The following TMEM132D variants were observed in gnomAD, a reference collection of about 807,000 sequenced individuals.
The protein encoded by TMEM132D is transmembrane protein 132D.
Under a neutral mutation model 62.3 loss-of-function variants are expected in TMEM132D, and 21 were observed. That is an observed-to-expected ratio of 0.34 (90% CI 0.24 to 0.49). TMEM132D has a LOEUF of 0.49. TMEM132D is among the 20% of genes least tolerant of loss of function. The probability of loss-of-function intolerance (pLI) is 0.99; values close to 1 mark genes in which losing one functional copy is unlikely to be tolerated. For synonymous variants in TMEM132D, 621 were observed against 575.6 expected (o/e 1.08, Z -1.13); for missense variants, 1,346 against 1,402.8 (o/e 0.96, Z 0.65).
intron 1 of TMEM132D, among the ~76,000 whole-genome samples, chr12:129,841,099 C>G (rs1873179168): frequency 6.6e-6 from 1 of 152,108 alleles, no homozygotes. Flanking sequence ...CATAAACACG[C>G]AGAGTTAACA....
intron 4 of TMEM132D, among the ~76,000 whole-genome samples, chr12:129,293,719 G>T (rs1032504000): frequency 6.6e-6 from 1 of 152,174 alleles, no homozygotes; most frequent in African/African-American, 2.4e-5. Flanking sequence ...TCACAGTAGG[G>T]TTAGTGCTTC....
chr12:129,834,206 CCAGG>C (rs1872930825), intron 1 of TMEM132D, among the ~76,000 whole-genome samples: 1 of 29,090 alleles, frequency 3.4e-5, no homozygotes, highest in African/African-American at 7.1e-5. Context: ...CTCCTTTCCA[CCAGG>C]CACTCGGATG....
intron 3 of TMEM132D, among the ~76,000 whole-genome samples, chr12:129,528,069 C>G (rs952834432): frequency 1.3e-5 from 2 of 152,186 alleles, no homozygotes; most frequent in African/African-American, 4.8e-5. Flanking sequence ...ATTAACACTG[C>G]TTCTTTTGCA....
chr12:129,519,601 A>G (rs148226005), intron 3 of TMEM132D, among the ~76,000 whole-genome samples: 2,041 of 125,582 alleles, frequency 0.016, 23 homozygotes, highest in Non-Finnish European at 0.024. Flanking sequence ...CCAAAAACAG[A>G]TAAGAATGCT....
intron 2 of TMEM132D, among the ~76,000 whole-genome samples, chr12:129,640,376 G>A (rs184879715): frequency 5.3e-5 from 8 of 152,282 alleles, no homozygotes; most frequent in East Asian, 3.9e-4. Flanking sequence ...TGCTGCTCTC[G>A]CTTGCCATAA....
At chr12:129,320,970 C>A (rs773587707) in intron 4 of TMEM132D, among the ~76,000 whole-genome samples, 7 of 152,104 alleles carry the variant, frequency 4.6e-5, no homozygotes, top group Non-Finnish European at 8.8e-5. Flanking sequence ...ACAAATCTAT[C>A]TATCTACCTA....
chr12:129,738,341 C>T lies in TMEM132D; in HGVS notation c.80-37643G>A, dbSNP rs537274885. On this transcript the variant is annotated intron_variant, in intron 1 of 8. Coordinates refer to ENST00000422113, the MANE Select transcript of TMEM132D (RefSeq NM_133448.3). ...AAAAAAAGGAGACAGAGAAGAAGGA[C>T]GAAAGAAACGGAGAAGAAAAAGGGA... Among the ~76,000 whole-genome samples, 113 of 141,088 alleles carry T rather than the reference C, an allele frequency of 8.0e-4. 1 individual carries two copies. The highest frequency in any genetic ancestry group is 2.8e-3 in the African/African-American group (104 of 37,702). The allele number at this position is 141,088 out of a possible 152,430, so 92.6% of individuals were successfully genotyped here. A position where few individuals can be genotyped will look rare whatever the true frequency, so the allele number is the denominator to read the frequency against.
chr12:129,635,791 G>A (rs1350153249), intron 2 of TMEM132D, among the ~76,000 whole-genome samples: 5 of 152,174 alleles, frequency 3.3e-5, no homozygotes, highest in Non-Finnish European at 5.9e-5. Context: ...GGCCCAAGAC[G>A]CAGCCTCAGG....
At chr12:129,193,500 T>C (rs963152655) in intron 5 of TMEM132D, among the ~76,000 whole-genome samples, 4 of 152,224 alleles carry the variant, frequency 2.6e-5, no homozygotes, top group East Asian at 1.9e-4. Context: ...CCTTGACCCA[T>C]AGTATCTTGC....
chr12:129,753,591 G>T (rs1870069633), intron 1 of TMEM132D, among the ~76,000 whole-genome samples: 1 of 151,954 alleles, frequency 6.6e-6, no homozygotes, highest in Non-Finnish European at 1.5e-5. Context: ...TAAAAATAAG[G>T]GTAGACTGAC....
At chr12:129,456,028 CAGG>C (rs949078758) in intron 3 of TMEM132D, among the ~76,000 whole-genome samples, 9 of 152,224 alleles carry the variant, frequency 5.9e-5, no homozygotes, top group African/African-American at 2.2e-4. Flanking sequence ...TGAATAGTTT[CAGG>C]AGATGTTAGC....
intron 4 of TMEM132D, among the ~76,000 whole-genome samples, chr12:129,306,567 T>G (rs1881850528): frequency 1.3e-5 from 2 of 152,196 alleles, no homozygotes; most frequent in Admixed American, 6.5e-5. Context: ...GGAATTCCAC[T>G]GGCAAATAGG....
intron 1 of TMEM132D, among the ~76,000 whole-genome samples, chr12:129,886,417 C>G (rs1168797295): frequency 6.6e-6 from 1 of 152,122 alleles, no homozygotes; most frequent in Non-Finnish European, 1.5e-5. Flanking sequence ...CTGGACAGAT[C>G]ATAAAATATA....
chr12:129,556,817 T>C (rs1566108652), intron 2 of TMEM132D, among the ~76,000 whole-genome samples: 1 of 152,188 alleles, frequency 6.6e-6, no homozygotes, highest in Non-Finnish European at 1.5e-5. Flanking sequence ...GGGGTTCCCA[T>C]ATTAGACGGT....
chr12:129,224,070 A>C (rs1477317480), intron 4 of TMEM132D, among the ~76,000 whole-genome samples: 1 of 152,162 alleles, frequency 6.6e-6, no homozygotes, highest in Non-Finnish European at 1.5e-5. Context: ...AGTCATCGCC[A>C]GTGTCTCCTG....
At chr12:129,506,847 A>G (rs1344794499) in intron 3 of TMEM132D, among the ~76,000 whole-genome samples, 1 of 152,216 alleles carries the variant, frequency 6.6e-6, no homozygotes, top group Admixed American at 6.5e-5. Context: ...ATAAAAACAA[A>G]GACAAATAGC....
chr12:129,637,857 T>C (rs1000162525), intron 2 of TMEM132D, among the ~76,000 whole-genome samples: 4 of 152,050 alleles, frequency 2.6e-5, no homozygotes, highest in Non-Finnish European at 5.9e-5. Context: ...AACCACCAGA[T>C]CTGGTTAGAA....
chr12:129,815,197 T>C (rs935827390), intron 1 of TMEM132D, among the ~76,000 whole-genome samples: 1 of 152,232 alleles, frequency 6.6e-6, no homozygotes, highest in Admixed American at 6.5e-5. Flanking sequence ...ATACATGTGA[T>C]GGATTCATAC....
chr12:129,198,499 T>A (rs1593293350), intron 5 of TMEM132D, among the ~76,000 whole-genome samples: 1 of 152,296 alleles, frequency 6.6e-6, no homozygotes, highest in East Asian at 1.9e-4. Context: ...AAACATTGTA[T>A]CATTTTTGAC....
Sources: gnomAD v4.1 joint callset for allele counts (sites outside exome capture counted in the v4.1 genomes callset) on GRCh38, gnomAD v4.1.1 for gene constraint, MANE v1.5 for transcripts, NCBI Gene and HGNC (gene_info 2026-07-23, HGNC 2026-07-21) for gene names.